Variants in IARS2 observed in about 807,000 individuals in gnomAD.
The protein encoded by IARS2 is isoleucyl-tRNA synthetase 2, mitochondrial, also known as isoleucine--tRNA ligase, mitochondrial.
A neutral mutation model predicts 126.3 loss-of-function variants in IARS2; 56 were observed. The ratio of observed to expected loss-of-function variants is 0.44; its 90% CI spans 0.36 to 0.55. The LOEUF (loss-of-function observed/expected upper bound fraction) is 0.55, where lower values mean the gene tolerates loss of function less well. IARS2 is among the 20% of genes least tolerant of loss of function. The probability of loss-of-function intolerance (pLI) is 0.00; values close to 1 mark genes in which losing one functional copy is unlikely to be tolerated. For missense variants in IARS2, 1,127 were observed against 1,245.9 expected, an observed-to-expected ratio of 0.90 and a Z score of 1.44; for synonymous variants, 407 against 441.1, an observed-to-expected ratio of 0.92 and a Z score of 0.97.
intron 11 of IARS2, among the ~76,000 whole-genome samples, chr1:220,111,598 A>ATATATATATGTGTGTG (rs374024744): frequency 4.5e-4 from 61 of 134,854 alleles, no homozygotes; most frequent in Non-Finnish European, 7.5e-4. Flanking sequence ...ATATATATAT[A>ATATATATATGTGTGTG]TGTGTGTGTG....
At chr1:220,134,548 G>A (rs773326960) in intron 15 of IARS2, 38 bp downstream of exon 15, 3 of 1,309,174 alleles carry the variant, frequency 2.3e-6, no homozygotes, top group Non-Finnish European at 3.3e-6. Context: ...CTGAGTACCT[G>A]CCAGTGTGTG....
chr1:220,111,083 C>A, intron 11 of IARS2, 146 bp downstream of exon 11: 1 of 744,458 alleles, frequency 1.3e-6, no homozygotes, highest in Non-Finnish European at 2.1e-6. Flanking sequence ...AATTTTAGAT[C>A]TGGAAGGACC....
chr1:220,147,843 A>ATG lies in IARS2; in HGVS notation c.*218_*219dup, dbSNP rs997455717. ...TGTATATATACATGCAGAAATATAT[A>ATG]TGTGTGTGTGTATCTGTGGATGGAT... On this transcript the variant is annotated 3_prime_UTR_variant, in exon 23 of 23. Coordinates refer to ENST00000366922, the MANE Select transcript of IARS2 (RefSeq NM_018060.4). 3.6e-6 allele frequency: 2 copies of ATG among 558,108 alleles called. No homozygotes were observed. Among genetic ancestry groups the ATG allele is most frequent in the African/African-American group, 1.9e-5 (1 of 53,564 alleles). 34.6% of individuals were successfully genotyped at this position (558,108 alleles called of 1,614,324 possible).
chr1:220,141,819 G>A lies in IARS2; in HGVS notation c.2431G>A (p.Glu811Lys), dbSNP rs1558132313. ...IIKDRLYCEK[E>K]NDPKRRSCQT... The stretch of plus-strand genomic sequence containing the variant: ...CTTGTTCAGGCTCTATTGTGAAAAG[G>A]AAAATGACCCCAAACGACGCTCTTG... The change falls in exon 20 of 23, where the codon GAA becomes AAA. Residue 811 changes from glutamate (E) to lysine (K), a missense_variant. Coordinates refer to ENST00000366922, the MANE Select transcript of IARS2 (RefSeq NM_018060.4). 6.2e-7 allele frequency: 1 copy of A among 1,613,362 alleles called. No individual in the cohort carries two copies. The highest frequency in any genetic ancestry group is 1.7e-5 in the Admixed American group (1 of 59,962).
chr1:220,147,406 GA>G, intron 22 of IARS2, 86 bp from the exon 23 acceptor site: 1 of 1,322,814 alleles, frequency 7.6e-7, no homozygotes, highest in Middle Eastern at 2.3e-4. Flanking sequence ...ACAAAAGACT[GA>G]AAAAGAAGCC....
At chr1:220,135,640 G>A (rs932221496) in intron 15 of IARS2, among the ~76,000 whole-genome samples, 4 of 152,124 alleles carry the variant, frequency 2.6e-5, no homozygotes, top group Admixed American at 6.6e-5. Context: ...GATTACAGGC[G>A]TGAGCCCCCA....
At chr1:220,120,191 C>T (rs1304921123) in intron 12 of IARS2, among the ~76,000 whole-genome samples, 4 of 151,364 alleles carry the variant, frequency 2.6e-5, no homozygotes, top group Non-Finnish European at 5.9e-5. Context: ...AAGCGATTCT[C>T]CTTCTTCAGC....
intron 16 of IARS2, among the ~76,000 whole-genome samples, chr1:220,137,242 A>G (rs1356075584): frequency 1.3e-5 from 2 of 152,180 alleles, no homozygotes; most frequent in African/African-American, 4.8e-5. Context: ...ACCTTGTTAC[A>G]GTGTTGGCAC....
intron 7 of IARS2, among the ~76,000 whole-genome samples, 179 bp downstream of exon 7, chr1:220,102,956 G>C (rs1013064483): frequency 3.9e-5 from 6 of 151,944 alleles, no homozygotes; most frequent in African/African-American, 1.5e-4. Flanking sequence ...ACCTTATCCA[G>C]CTTTTCGGGA....
chr1:220,147,516 TC>T lies in IARS2; in HGVS notation c.2922del (p.Tyr975IlefsTer3). ...AGGTGGTGATATTCGTGAAGAGTCT[TC>T]CTATAAAGTAATTGTCATGCCGACT... The part of the protein sequence containing the change: ...LEGGDIREES[S>X]YKVIVMPTTK... On this transcript the variant is annotated frameshift_variant, in exon 23 of 23. Transcript: ENST00000366922. LOFTEE classifies it high-confidence loss of function. The T allele has an allele frequency of 6.2e-7, 1 of 1,614,132 alleles. No homozygotes were observed. Among genetic ancestry groups the T allele is most frequent in the Non-Finnish European group, 8.5e-7 (1 of 1,179,972 alleles).
chr1:220,127,792 T>C (rs780930541), intron 14 of IARS2, among the ~76,000 whole-genome samples: 1 of 152,220 alleles, frequency 6.6e-6, no homozygotes, highest in Non-Finnish European at 1.5e-5. Flanking sequence ...AAAATGCATA[T>C]AAATTCATGT....
In IARS2 at chr1:220,119,345, A is replaced by G. The variant is rs142704588; in HGVS notation, c.1640+4871A>G. Among the ~76,000 whole-genome samples the G allele has an allele frequency of 2.7e-4, 41 of 152,212 alleles. 1 individual carries two copies. The East Asian group carries it at 6.0e-3, about 22-fold the overall frequency. On this transcript the variant is annotated intron_variant, in intron 12 of 22. Coordinates refer to ENST00000366922, the MANE Select transcript of IARS2 (RefSeq NM_018060.4). ...GTAAAGCATTAAGATGGAAGCATAT[A>G]GATTACATACTGGTAAGTGGTTTCA... is the stretch of plus-strand genomic sequence containing the variant.
chr1:220,147,706 T>C lies in IARS2; in HGVS notation c.*71T>C. ...AGAAGTTTGGATGGATTATTTACAA[T>C]ATAGGAAAGAAAGCCAAGATTTAGG... is the stretch of plus-strand genomic sequence containing the variant. On this transcript the variant is annotated 3_prime_UTR_variant, in exon 23 of 23. Coordinates refer to ENST00000366922, the MANE Select transcript of IARS2 (RefSeq NM_018060.4). 6.6e-7 allele frequency: 1 copy of C among 1,522,952 alleles called. No individual in the cohort carries two copies. The highest frequency in any genetic ancestry group is 1.2e-5 in the South Asian group (1 of 82,142). 94.3% of individuals were successfully genotyped at this position (1,522,952 alleles called of 1,614,324 possible). A position where few individuals can be genotyped will look rare whatever the true frequency, so the allele number is the denominator to read the frequency against.
intron 7 of IARS2, 82 bp downstream of exon 7, chr1:220,102,859 C>T (rs1157742936): frequency 4.9e-6 from 4 of 819,034 alleles, no homozygotes; most frequent in Admixed American, 4.1e-5. Context: ...TTATTTTATC[C>T]TGTTTATTAT....
At position 220,114,384 on chromosome 1, in the gene IARS2, G is replaced by T; in HGVS notation, c.1550G>T (p.Arg517Leu). The stretch of plus-strand genomic sequence containing the variant: ...GGCATGGTTGAAATGATGGACAGGC[G>T]GCCATATTGGTGTATATCAAGGCAA... Reference protein sequence around the residue: ...LNGMVEMMDRRPYWCISRQRV... With the variant: ...LNGMVEMMDRLPYWCISRQRV... Residue 517 changes from arginine to leucine, a missense_variant, in exon 12 of 23, where the codon CGG (arginine) becomes CTG (leucine). Physicochemically the swap from Arg to Leu is moderately radical, Grantham distance 102. Coordinates refer to ENST00000366922, the MANE Select transcript of IARS2 (RefSeq NM_018060.4). 3.1e-6 allele frequency: 5 copies of T among 1,613,676 alleles called. No individual in the cohort carries two copies. Among genetic ancestry groups the T allele is most frequent in the Non-Finnish European group, 4.2e-6 (5 of 1,179,690 alleles).
At position 220,135,842 on chromosome 1, in the gene IARS2, A is replaced by G. The variant is rs546466574; in HGVS notation, c.1947-967A>G. Among the ~76,000 whole-genome samples, 189 of 70,886 alleles carry G rather than the reference A, an allele frequency of 2.7e-3. 2 individuals are homozygous for G. The highest frequency in any genetic ancestry group is 0.011 in the African/African-American group (186 of 16,998). 46.5% of individuals were successfully genotyped at this position (70,886 alleles called of 152,430 possible). ...TTTTTTTTTTTTTTTTTAGTGAGTT[A>G]TATAGTTTTTCCGCTATCACCACAA... On this transcript the variant is annotated intron_variant, in intron 15 of 22. Transcript: ENST00000366922.
chr1:220,103,661 A>G (rs555827707), intron 8 of IARS2, 99 bp downstream of exon 8: 2 of 707,638 alleles, frequency 2.8e-6, no homozygotes, highest in East Asian at 2.6e-5. Context: ...TGAAACAGAT[A>G]TGGCCTCTAC....
intron 2 of IARS2, among the ~76,000 whole-genome samples, chr1:220,097,365 C>CT (rs34660784): frequency 0.32 from 43,089 of 134,426 alleles, 8,078 homozygotes; most frequent in African/African-American, 0.5. Flanking sequence ...GTTCTTTTTT[C>CT]TTTTTTTTTT....
rs758445708 is a variant in IARS2, at chr1:220,140,165, T to C, written c.2308-18T>C. ...TGCCTGTCTCAGCTTCCAAATTTATTTTGGCTTTGTTCCCTAGATTACCGA... is the reference window on the plus strand; with the variant it reads ...TGCCTGTCTCAGCTTCCAAATTTATCTTGGCTTTGTTCCCTAGATTACCGA... On this transcript the variant is annotated intron_variant, in intron 18 of 22. Transcript: ENST00000366922. 4.1e-6 allele frequency: 6 copies of C among 1,453,976 alleles called. No individual in the cohort carries two copies. Among genetic ancestry groups the C allele is most frequent in the Non-Finnish European group, 5.8e-6 (6 of 1,035,798 alleles). The allele number at this position is 1,453,976 out of a possible 1,614,324, so 90.1% of individuals were successfully genotyped here.
Sources: gnomAD v4.1 joint callset for allele counts (sites outside exome capture counted in the v4.1 genomes callset) on GRCh38, gnomAD v4.1.1 for gene constraint, MANE v1.5 for transcripts, NCBI Gene and HGNC (gene_info 2026-07-23, HGNC 2026-07-21) for gene names.